The following EPHB2 variants were observed in gnomAD, a reference collection of about 807,000 sequenced individuals.
EPHB2 encodes the protein ephrin type-B receptor 2.
EPHB2 carries 18 observed loss-of-function variants against 96.4 expected under a neutral mutation model. That is an observed-to-expected ratio of 0.19 (90% confidence interval 0.13 to 0.28). EPHB2 has a LOEUF of 0.28. Among genes scored for constraint, EPHB2 ranks in the 10% least tolerant of loss-of-function variants. EPHB2 has a pLI of 1.00. For synonymous variants in EPHB2, 506 were observed against 534.1 expected (o/e 0.95, Z 0.72); for missense variants, 989 against 1,355.4 (o/e 0.73, Z 4.25).
At chr1:22,716,680 G>A (rs913939357) in intron 1 of EPHB2, among the ~76,000 whole-genome samples, 4 of 152,204 alleles carry the variant, frequency 2.6e-5, no homozygotes, top group Non-Finnish European at 2.9e-5. Flanking sequence ...CATTCAGCCC[G>A]TGGTAGCCTC....
intron 6 of EPHB2, among the ~76,000 whole-genome samples, chr1:22,890,407 C>G (rs1236633238): frequency 6.6e-6 from 1 of 152,140 alleles, no homozygotes; most frequent in Non-Finnish European, 1.5e-5. Flanking sequence ...CCTGCCTCCC[C>G]CTGTTATGGG....
chr1:22,774,770 G>A, intron 1 of EPHB2: 1 of 261,166 alleles, frequency 3.8e-6, no homozygotes, highest in Non-Finnish European at 6.0e-6. Context: ...CTGCTGTGTG[G>A]AGGTTGGATG....
intron 1 of EPHB2, among the ~76,000 whole-genome samples, chr1:22,739,347 T>C (rs1643877484): frequency 6.6e-6 from 1 of 152,008 alleles, no homozygotes; most frequent in South Asian, 2.1e-4. Context: ...CCCCAAGTAA[T>C]AGGGACCGCA....
At chr1:22,857,173 G>T (rs1645712686) in intron 3 of EPHB2, among the ~76,000 whole-genome samples, 1 of 152,162 alleles carries the variant, frequency 6.6e-6, no homozygotes, top group African/African-American at 2.4e-5. Context: ...CCAAGTCAGG[G>T]TTTAATGATC....
At chr1:22,808,955 GCATCC>G (rs1644967136) in intron 3 of EPHB2, among the ~76,000 whole-genome samples, 1 of 152,248 alleles carries the variant, frequency 6.6e-6, no homozygotes, top group African/African-American at 2.4e-5. Context: ...GGGCTGCTGG[GCATCC>G]TGCCTTGCTA....
intron 1 of EPHB2, among the ~76,000 whole-genome samples, chr1:22,713,206 T>C (rs1643201716): frequency 6.6e-6 from 1 of 152,134 alleles, no homozygotes; most frequent in African/African-American, 2.4e-5. Context: ...CTTGTTCCGT[T>C]TGCCCCCTGG....
intron 9 of EPHB2, among the ~76,000 whole-genome samples, chr1:22,899,383 C>G (rs1161488319): frequency 6.6e-6 from 1 of 151,584 alleles, no homozygotes; most frequent in East Asian, 1.9e-4. Flanking sequence ...TGCCTGTAAT[C>G]CCAGCTACTT....
At chr1:22,781,020 G>T (rs575426305) in intron 1 of EPHB2, among the ~76,000 whole-genome samples, 44 of 152,078 alleles carry the variant, frequency 2.9e-4, no homozygotes, top group African/African-American at 9.9e-4. Context: ...GAAGGATGAG[G>T]GCCCGGCCGT....
chr1:22,834,050 T>TC (rs1645344851), intron 3 of EPHB2, among the ~76,000 whole-genome samples: 1 of 6,506 alleles, frequency 1.5e-4, no homozygotes, highest in African/African-American at 2.9e-4. Context: ...TCAAAACACT[T>TC]TAAAAAAAAA....
chr1:22,713,650 A>G (rs2148329059), intron 1 of EPHB2, among the ~76,000 whole-genome samples: 1 of 152,326 alleles, frequency 6.6e-6, no homozygotes, highest in East Asian at 1.9e-4. Context: ...CTGTGGAGAC[A>G]GGACTGGGCC....
At chr1:22,711,612 A>G (rs1020082822) in intron 1 of EPHB2, among the ~76,000 whole-genome samples, 3 of 151,676 alleles carry the variant, frequency 2.0e-5, no homozygotes, top group African/African-American at 7.3e-5. Flanking sequence ...GTGCCTGCCC[A>G]TCGCCCGCGG....
chr1:22,902,357 G>GTA lies in EPHB2; in HGVS notation c.1766-3626_1766-3625dup, dbSNP rs950704530. ...GGCACCCAGTAAATCTACGCTGAATGTATATTCAATAAGTGTTTACTAAGC... is the reference window on the plus strand; with the variant it reads ...GGCACCCAGTAAATCTACGCTGAATGTATATATTCAATAAGTGTTTACTAAGC... On this transcript the variant is annotated intron_variant, in intron 9 of 15. Coordinates refer to ENST00000374630, the MANE Select transcript of EPHB2 (RefSeq NM_017449.5). Among the ~76,000 whole-genome samples, 25 of 152,322 alleles carry GTA rather than the reference G, an allele frequency of 1.6e-4. No homozygotes were observed. The South Asian group carries it at 2.9e-3, about 18-fold the overall frequency.
At chr1:22,876,114 A>G (rs1403147965) in intron 5 of EPHB2, among the ~76,000 whole-genome samples, 1 of 152,128 alleles carries the variant, frequency 6.6e-6, no homozygotes, top group African/African-American at 2.4e-5. Flanking sequence ...ATCAACAGGG[A>G]GTGAAGACAT....
chr1:22,807,379 G>A (rs1440699223), intron 3 of EPHB2, among the ~76,000 whole-genome samples: 2 of 152,150 alleles, frequency 1.3e-5, no homozygotes, highest in Non-Finnish European at 2.9e-5. Flanking sequence ...TTTTATAGAT[G>A]GAGCTGCCAA....
chr1:22,798,208 T>C (rs1375705561), intron 3 of EPHB2, among the ~76,000 whole-genome samples: 1 of 152,162 alleles, frequency 6.6e-6, no homozygotes, highest in East Asian at 1.9e-4. Flanking sequence ...GTCTCAGACA[T>C]GGACCCTTTC....
At chr1:22,716,866 C>T (rs1473014703) in intron 1 of EPHB2, among the ~76,000 whole-genome samples, 3 of 152,230 alleles carry the variant, frequency 2.0e-5, no homozygotes, top group East Asian at 1.9e-4. Flanking sequence ...ATGCAGAGCA[C>T]GGTGGGCCTC....
chr1:22,881,346 C>A (rs1639038329), intron 5 of EPHB2, among the ~76,000 whole-genome samples: 1 of 151,678 alleles, frequency 6.6e-6, no homozygotes, highest in Admixed American at 6.6e-5. Context: ...TGCAGTGAGC[C>A]AAGATCATGC....
chr1:22,772,464 G>A (rs1460687896), intron 1 of EPHB2, among the ~76,000 whole-genome samples: 1 of 152,204 alleles, frequency 6.6e-6, no homozygotes, highest in Non-Finnish European at 1.5e-5. Context: ...CTCTTTCCTC[G>A]AGACTGAGGG....
chr1:22,799,643 G>C (rs1644814400), intron 3 of EPHB2, among the ~76,000 whole-genome samples: 2 of 152,196 alleles, frequency 1.3e-5, no homozygotes, highest in Non-Finnish European at 2.9e-5. Context: ...TTGCAGATGA[G>C]GGAACTGGGG....
Sources: gnomAD v4.1 joint callset for allele counts (sites outside exome capture counted in the v4.1 genomes callset) on GRCh38, gnomAD v4.1.1 for gene constraint, MANE v1.5 for transcripts, NCBI Gene and HGNC (gene_info 2026-07-23, HGNC 2026-07-21) for gene names.